The following OLFM3 variants were observed in gnomAD, a reference collection of about 807,000 sequenced individuals.
The protein encoded by OLFM3 is noelin-3.
A neutral mutation model predicts 48.6 loss-of-function variants in OLFM3; 20 were observed. The ratio of observed to expected loss-of-function variants is 0.41; its 90% CI spans 0.29 to 0.60. The LOEUF (loss-of-function observed/expected upper bound fraction) is 0.60. Among genes scored for constraint, OLFM3 ranks in the 20% least tolerant of loss-of-function variants. The pLI is 0.28. For synonymous variants in OLFM3, 222 were observed against 198.1 expected (o/e 1.12, Z -1.01); for missense variants, 437 against 544.3 (o/e 0.80, Z 1.96).
intron 1 of OLFM3, among the ~76,000 whole-genome samples, chr1:101,964,129 A>G: frequency 6.6e-6 from 1 of 152,190 alleles, no homozygotes; most frequent in East Asian, 1.9e-4. Context: ...TATAGAAGAG[A>G]TTCCTAAATT....
intron 1 of OLFM3, among the ~76,000 whole-genome samples, chr1:101,848,758 G>A (rs976802420): frequency 2.4e-4 from 37 of 152,022 alleles, no homozygotes; most frequent in African/African-American, 8.7e-4. Context: ...AAATACACCT[G>A]GAACTCTATC....
chr1:101,883,356 CAT>C (rs929404202), intron 1 of OLFM3, among the ~76,000 whole-genome samples: 2 of 150,528 alleles, frequency 1.3e-5, no homozygotes, highest in African/African-American at 4.9e-5. Flanking sequence ...CACACACACA[CAT>C]ATATACACAT....
At chr1:101,923,331 T>C (rs774290005) in intron 1 of OLFM3, among the ~76,000 whole-genome samples, 1 of 152,250 alleles carries the variant, frequency 6.6e-6, no homozygotes, top group Admixed American at 6.5e-5. Context: ...TTTAAGCTTC[T>C]CCTGTGGCCT....
At chr1:101,979,130 G>A (rs1210924464) in intron 1 of OLFM3, among the ~76,000 whole-genome samples, 5 of 152,042 alleles carry the variant, frequency 3.3e-5, no homozygotes, top group African/African-American at 1.2e-4. Flanking sequence ...TCTTAGACAT[G>A]GGTTAATTTT....
intron 1 of OLFM3, among the ~76,000 whole-genome samples, chr1:101,848,066 T>G (rs2100944499): frequency 6.6e-6 from 1 of 152,274 alleles, no homozygotes; most frequent in Non-Finnish European, 1.5e-5. Flanking sequence ...AATCCAGGGT[T>G]TATGGGTAAC....
rs576908347 is a variant in OLFM3 at position 101,889,095 on chromosome 1, G to A, written c.70-52070C>T. The stretch of plus-strand genomic sequence containing the variant: ...CAACCATTGTGGAAGACAGTGTGGC[G>A]ATTCCTCAAGGATCTAGAACTAGAA... On this transcript the variant is annotated intron_variant, in intron 1 of 5. Coordinates refer to ENST00000370103, the MANE Select transcript of OLFM3 (RefSeq NM_058170.4). Among the ~76,000 whole-genome samples the A allele has an allele frequency of 1.3e-4, 20 of 152,236 alleles. 1 individual carries two copies. The highest frequency in any genetic ancestry group is 3.9e-4 in the East Asian group (2 of 5,172).
chr1:101,941,588 G>A (rs17434356), intron 1 of OLFM3, among the ~76,000 whole-genome samples: 8,320 of 152,010 alleles, frequency 0.055, 303 homozygotes, highest in Non-Finnish European at 0.086. Context: ...CTAAAGATGA[G>A]GTAATAAAAG....
rs780242498 is a variant in OLFM3, at chr1:101,825,245, C to G, written c.373G>C (p.Glu125Gln). The change falls in exon 4 of 6, where the codon GAG (glutamate) becomes CAG (glutamine). Residue 125 changes from glutamate to glutamine, a missense_variant and splice_region_variant. Around this residue, in one of 3 missense-constraint regions of OLFM3, gnomAD observed 314 missense variants for 365.5 expected, o/e 0.86. Coordinates refer to ENST00000370103, the MANE Select transcript of OLFM3 (RefSeq NM_058170.4). Reference protein sequence around the residue: ...RKTLMTKHFQELKEKMDELLP... With the variant: ...RKTLMTKHFQQLKEKMDELLP... ...AGCTCGTCCATTTTCTCTTTCAACT[C>G]CTGTGAAAAGCAGCCTATTGTTCCT... The G allele has an allele frequency of 6.2e-7, 1 of 1,612,562 alleles. No individual in the cohort carries two copies. The highest frequency in any genetic ancestry group is 8.5e-7 in the Non-Finnish European group (1 of 1,179,108).
At chr1:101,873,167 A>T (rs1361714028) in intron 1 of OLFM3, among the ~76,000 whole-genome samples, 2 of 151,976 alleles carry the variant, frequency 1.3e-5, no homozygotes, top group Admixed American at 6.6e-5. Context: ...GAATGTGATA[A>T]TAAAAACATG....
intron 1 of OLFM3, 49 bp downstream of exon 1, chr1:101,996,699 T>C: frequency 1.3e-6 from 2 of 1,577,514 alleles, no homozygotes; most frequent in South Asian, 2.2e-5. Context: ...GTTAGGTTTG[T>C]TACATATTGC....
rs769175295 is a variant in OLFM3 at position 101,825,196 on chromosome 1, T to G, written c.422A>C (p.Glu141Ala). 3.7e-6 allele frequency: 6 copies of G among 1,614,088 alleles called. No individual in the cohort carries two copies. Among genetic ancestry groups the G allele is most frequent in the Non-Finnish European group, 5.1e-6 (6 of 1,179,968 alleles). The change falls in exon 4 of 6, where the codon GAA becomes GCA. Residue 141 changes from glutamate to alanine, a missense_variant. Glu to Ala is a moderately radical substitution (Grantham distance 107). This residue lies in a region of OLFM3 where 314 missense variants were observed against 365.5 expected (regional missense o/e 0.86). Coordinates refer to ENST00000370103, the MANE Select transcript of OLFM3 (RefSeq NM_058170.4). Reference protein sequence around the residue: ...DELLPLIPVLEQYKTDAKLIT... With the variant: ...DELLPLIPVLAQYKTDAKLIT... ...TAACTTAGCATCTGTTTTGTACTGT[T>G]CCAGCACGGGGATCAAAGGCAGGAG...
intron 1 of OLFM3, among the ~76,000 whole-genome samples, chr1:101,895,412 T>TACAC (rs35047632): frequency 0.017 from 2,519 of 144,180 alleles, 42 homozygotes; most frequent in African/African-American, 0.042. Context: ...AGCTCAAGAA[T>TACAC]ACACACACAC....
rs1660073027 is a variant in OLFM3, at chr1:101,949,865, G to C, written c.69+46883C>G. On this transcript the variant is annotated intron_variant, in intron 1 of 5. Coordinates refer to ENST00000370103, the MANE Select transcript of OLFM3 (RefSeq NM_058170.4). ...GAATGGCGTAAACCCGGGAGGCGGA[G>C]CTTGCAGTGAGCCGAGATCGCGCCA... 2.7e-5 allele frequency among the ~76,000 whole-genome samples: 4 copies of C among 147,050 alleles called. No individual in the cohort carries two copies. In the South Asian group the frequency reaches 8.7e-4, roughly 32 times the overall value.
At chr1:101,962,032 A>AT (rs1330547953) in intron 1 of OLFM3, among the ~76,000 whole-genome samples, 5 of 152,188 alleles carry the variant, frequency 3.3e-5, no homozygotes, top group East Asian at 1.9e-4. Context: ...AAATTACTCA[A>AT]TTTTTTTAAG....
chr1:101,864,162 G>T (rs1656768442), intron 1 of OLFM3, among the ~76,000 whole-genome samples: 1 of 151,602 alleles, frequency 6.6e-6, no homozygotes, highest in Non-Finnish European at 1.5e-5. Context: ...GGGGAGTGAT[G>T]TCAGTATAAT....
At chr1:101,932,617 A>AAAAGCAAAGCAAAGCAAAAC (rs1659477893) in intron 1 of OLFM3, among the ~76,000 whole-genome samples, 2 of 152,194 alleles carry the variant, frequency 1.3e-5, no homozygotes, top group South Asian at 4.1e-4. Context: ...GACAGAAGAT[A>AAAAGCAAAGCAAAGCAAAAC]AAAGCAAAGC....
At position 101,804,224 on chromosome 1, in the gene OLFM3, C is replaced by T. The variant is rs371777126; in HGVS notation, c.*14G>A. The T allele has an allele frequency of 3.9e-6, 6 of 1,543,656 alleles. No homozygotes were observed. Among genetic ancestry groups the T allele is most frequent in the East Asian group, 2.3e-5 (1 of 44,202 alleles). On this transcript the variant is annotated 3_prime_UTR_variant, in exon 6 of 6. Transcript: ENST00000370103. This position sits in a 1 kb window ranked among gnomAD's most constrained non-coding sequence, Gnocchi z 4.5. ...ATCACACTGTTTAAATCAATGAAAACATGTCACATTTGCCTATGTGTCATC... is the reference window on the plus strand; with the variant it reads ...ATCACACTGTTTAAATCAATGAAAATATGTCACATTTGCCTATGTGTCATC...
chr1:101,943,153 T>C (rs1659845607), intron 1 of OLFM3, among the ~76,000 whole-genome samples: 1 of 152,224 alleles, frequency 6.6e-6, no homozygotes, highest in Non-Finnish European at 1.5e-5. Flanking sequence ...TTATAAATTG[T>C]ATTAATGTTC....
rs530478494 is a variant in OLFM3, at chr1:101,932,432, G to A, written c.69+64316C>T. Among the ~76,000 whole-genome samples the A allele has an allele frequency of 9.9e-4, 151 of 152,304 alleles. 1 individual carries two copies. The highest frequency in any genetic ancestry group is 3.4e-3 in the African/African-American group (142 of 41,552). On this transcript the variant is annotated intron_variant, in intron 1 of 5. Coordinates refer to ENST00000370103, the MANE Select transcript of OLFM3 (RefSeq NM_058170.4). Reference sequence around the variant, plus strand: ...AGCAGATCTTCGGAGGAAAGGCATTGAGGGTGGATAGAGGGAGGACATAGA... The same window carrying A: ...AGCAGATCTTCGGAGGAAAGGCATTAAGGGTGGATAGAGGGAGGACATAGA...
Sources: allele counts gnomAD v4.1 joint callset (sites outside exome capture counted in the v4.1 genomes callset), GRCh38; gene constraint gnomAD v4.1.1; regional missense constraint gnomAD v4.1.1; non-coding constraint Gnocchi (gnomAD v3.1); transcripts MANE v1.5; gene names NCBI Gene and HGNC (gene_info 2026-07-23, HGNC 2026-07-21).